Variants in SRFBP1 observed in about 807,000 individuals in gnomAD.
SRFBP1 encodes the protein serum response factor binding protein 1.
In SRFBP1, 47 loss-of-function variants were observed where a neutral mutation model predicts 45.5. That is an observed-to-expected ratio of 1.03 (90% CI 0.82 to 1.32). The LOEUF (loss-of-function observed/expected upper bound fraction) is 1.32, where lower values mean the gene tolerates loss of function less well. SRFBP1 is among the 40% of genes most tolerant of loss of function. The pLI, the probability that SRFBP1 is intolerant of heterozygous loss-of-function variation, is 0.00. For synonymous variants in SRFBP1, 203 were observed against 166.3 expected (o/e 1.22, Z -1.70); for missense variants, 621 against 484.6 (o/e 1.28, Z -2.64).
intron 2 of SRFBP1, among the ~76,000 whole-genome samples, chr5:122,072,774 A>G (rs1469371991): frequency 6.6e-6 from 1 of 152,222 alleles, no homozygotes; most frequent in African/African-American, 2.4e-5. Flanking sequence ...ATAAAATGAA[A>G]TGGGGTCACC....
chr5:122,064,816 T>C (rs1391516371), intron 2 of SRFBP1: 1 of 152,014 alleles, frequency 6.6e-6, no homozygotes, highest in East Asian at 1.9e-4. Flanking sequence ...CAATGAATGA[T>C]TGTAAATGTG....
Position 122,070,124 on chromosome 5 carries a change from G to A in SRFBP1, n.312-5191G>A, listed in dbSNP as rs1338346958. 1.2e-6 allele frequency: 2 copies of A among 1,613,026 alleles called. No individual in the cohort carries two copies. Among genetic ancestry groups the A allele is most frequent in the Non-Finnish European group, 1.7e-6 (2 of 1,179,314 alleles). ...GAATGTCACAGCGCACAACATTGTT[G>A]GTATAGTCAGATTCAGGAACCAGGT... On this transcript the variant is annotated intron_variant and non_coding_transcript_variant, in intron 2 of 2. Transcript: ENST00000504881.
downstream of SRFBP1, chr5:122,077,126 G>A: frequency 6.7e-7 from 1 of 1,484,082 alleles, no homozygotes; most frequent in South Asian, 1.3e-5. This position sits in a 1 kb window ranked among gnomAD's most constrained non-coding sequence, Gnocchi z 4.9. Flanking sequence ...TGGAGCGGAG[G>A]ACAGCAAGAG....
chr5:122,007,519 C>T (rs1258801011), intron 4 of SRFBP1, among the ~76,000 whole-genome samples: 1 of 151,714 alleles, frequency 6.6e-6, no homozygotes, highest in African/African-American at 2.4e-5. Context: ...CCTGGAGCCT[C>T]GGTCTGTTGG....
intron 1 of SRFBP1, among the ~76,000 whole-genome samples, chr5:121,972,755 T>C (rs1752225717): frequency 6.6e-6 from 1 of 151,890 alleles, no homozygotes; most frequent in Non-Finnish European, 1.5e-5. Context: ...GAGGTTGTGA[T>C]CACAGTGTGG....
chr5:122,030,007 T>C (rs369550219), downstream of SRFBP1, among the ~76,000 whole-genome samples: 12 of 152,272 alleles, frequency 7.9e-5, 1 homozygote, highest in African/African-American at 2.9e-4. Context: ...TTAGAATACA[T>C]ACACAAGCTA....
At chr5:122,004,721 T>C (rs1484501354) in intron 4 of SRFBP1, among the ~76,000 whole-genome samples, 3 of 152,164 alleles carry the variant, frequency 2.0e-5, no homozygotes, top group African/African-American at 7.2e-5. Flanking sequence ...CTTATTTTTC[T>C]AATTCTTTGA....
intron 1 of SRFBP1, among the ~76,000 whole-genome samples, chr5:121,963,473 TG>T (rs1751993544): frequency 1.3e-5 from 2 of 152,174 alleles, no homozygotes; most frequent in South Asian, 4.1e-4. Context: ...TATCAAATTT[TG>T]TAATGACTTT....
Position 122,020,570 on chromosome 5 carries a change from A to G in SRFBP1, c.835A>G (p.Ser279Gly), listed in dbSNP as rs781467887. ...CAAGCAGTCTTCCATGTCTGAAGAT[A>G]GTGATAGCGGTGACGACTTCTTCAT... ...FYKQSSMSED[S>G]DSGDDFFIGK... Residue 279 changes from serine to glycine, a missense_variant, in exon 6 of 8, where the codon AGT (serine) becomes GGT (glycine). Transcript: ENST00000339397. 6.2e-7 allele frequency: 1 copy of G among 1,614,126 alleles called. No homozygotes were observed. Among genetic ancestry groups the G allele is most frequent in the Non-Finnish European group, 8.5e-7 (1 of 1,179,982 alleles).
chr5:122,044,515 A>T (rs886989285), intron 2 of SRFBP1, among the ~76,000 whole-genome samples: 35 of 146,352 alleles, frequency 2.4e-4, no homozygotes, highest in African/African-American at 8.0e-4. Context: ...AGCATCTATT[A>T]TTTTTTTTTT....
In SRFBP1 at chr5:122,020,300, G is replaced by A. The variant is rs757139693; in HGVS notation, c.565G>A (p.Ala189Thr). 2.5e-6 allele frequency: 4 copies of A among 1,611,910 alleles called. No homozygotes were observed. The highest frequency in any genetic ancestry group is 2.2e-5 in the South Asian group (2 of 90,436). The change falls in exon 6 of 8, where the codon GCA becomes ACA. Residue 189 changes from alanine to threonine, a missense_variant. By Grantham distance (58) the Ala-to-Thr change is moderately conservative (BLOSUM62 0). Coordinates refer to ENST00000339397, the MANE Select transcript of SRFBP1 (RefSeq NM_152546.3). ...KPIHNSKEKIAKMEHGPKAVT... is the reference protein window; with the variant it reads ...KPIHNSKEKITKMEHGPKAVT... ...AATACATAATTCAAAGGAAAAAATAGCAAAGATGGAACATGGACCTAAAGC... is the reference window on the plus strand; with the variant it reads ...AATACATAATTCAAAGGAAAAAATAACAAAGATGGAACATGGACCTAAAGC...
intron 4 of SRFBP1, 68 bp downstream of exon 4, chr5:121,994,738 G>A (rs1752685167): frequency 9.3e-7 from 1 of 1,073,660 alleles, no homozygotes; most frequent in East Asian, 2.7e-5. Flanking sequence ...CTTTTTTCTT[G>A]AAGAGAAAAC....
intron 2 of SRFBP1, among the ~76,000 whole-genome samples, chr5:122,049,902 A>G (rs1337334598): frequency 1.3e-5 from 2 of 152,214 alleles, no homozygotes; most frequent in South Asian, 2.1e-4. Flanking sequence ...TTATAGCACT[A>G]AATGCTCACA....
intron 1 of SRFBP1, among the ~76,000 whole-genome samples, chr5:121,967,336 A>T (rs1184286257): frequency 2.6e-5 from 4 of 152,186 alleles, no homozygotes; most frequent in African/African-American, 9.7e-5. Context: ...AAATTAGGGC[A>T]TTTCCGTAAG....
At chr5:122,038,825 C>T (rs558346510) in intron 2 of SRFBP1, among the ~76,000 whole-genome samples, 4 of 152,272 alleles carry the variant, frequency 2.6e-5, no homozygotes, top group Admixed American at 2.0e-4. Context: ...AGACTGGACT[C>T]CATCAGCCTT....
intron 5 of SRFBP1, 137 bp from the exon 6 acceptor site, chr5:122,019,951 A>G: frequency 2.0e-6 from 1 of 489,580 alleles, no homozygotes; most frequent in Non-Finnish European, 3.4e-6. Flanking sequence ...GTGAATTCAG[A>G]CCGAGTATAT....
chr5:122,041,138 G>A (rs1387686126), intron 2 of SRFBP1, among the ~76,000 whole-genome samples: 2 of 152,096 alleles, frequency 1.3e-5, no homozygotes, highest in Non-Finnish European at 2.9e-5. Flanking sequence ...CAGTTAGGAG[G>A]CTATTAGAAT....
rs189326388 is a variant in SRFBP1 at position 122,006,117 on chromosome 5, G to C, written c.270+11447G>C. Reference sequence around the variant, plus strand: ...ATGAGCTCTCTCAGCTTTTGTCTGGGAATGTTTTTATTTCTCTTCTTTTCT... The same window carrying C: ...ATGAGCTCTCTCAGCTTTTGTCTGGCAATGTTTTTATTTCTCTTCTTTTCT... On this transcript the variant is annotated intron_variant, in intron 4 of 7. Transcript: ENST00000339397. Among the ~76,000 whole-genome samples, 7 of 152,202 alleles carry C rather than the reference G, an allele frequency of 4.6e-5. No homozygotes were observed. In the East Asian group the frequency reaches 1.4e-3, roughly 29 times the overall value.
In SRFBP1 at chr5:121,974,241, A is replaced by T. The variant is rs777969346; in HGVS notation, c.82A>T (p.Ile28Phe). ...KEVKRIRVLV[I>F]RKLVRSVGRL... ...AGTGAAGAGAATTCGAGTTTTAGTT[A>T]TCCGAAAACTTGTCAGGAGTGTTGG... Residue 28 changes from isoleucine (I) to phenylalanine (F), a missense_variant, in exon 2 of 8, where the codon ATC (isoleucine) becomes TTC (phenylalanine). Transcript: ENST00000339397. 2.5e-6 allele frequency: 4 copies of T among 1,611,638 alleles called. No homozygotes were observed. The highest frequency in any genetic ancestry group is 2.2e-5 in the South Asian group (2 of 91,000).
Sources: gnomAD v4.1 joint callset for allele counts (sites outside exome capture counted in the v4.1 genomes callset) on GRCh38, gnomAD v4.1.1 for gene constraint, Gnocchi (gnomAD v3.1) non-coding constraint, MANE v1.5 for transcripts, NCBI Gene and HGNC (gene_info 2026-07-23, HGNC 2026-07-21) for gene names.